ZFPM2: variants seen among roughly 807,000 people sequenced by gnomAD.
ZFPM2 encodes zinc finger protein ZFPM2.
Under a neutral mutation model 98.6 loss-of-function variants are expected in ZFPM2, and 20 were observed. The ratio of observed to expected loss-of-function variants is 0.20; its 90% CI spans 0.14 to 0.29. The LOEUF (loss-of-function observed/expected upper bound fraction) is 0.29, where lower values mean the gene tolerates loss of function less well. Ranked by LOEUF, ZFPM2 falls within the 10% of genes least tolerant of loss-of-function variation. The pLI is 1.00. For synonymous variants in ZFPM2, 518 were observed against 502.7 expected, an observed-to-expected ratio of 1.03 and a Z score of -0.41; for missense variants, 1,310 against 1,388.6, an observed-to-expected ratio of 0.94 and a Z score of 0.90.
chr8:105,718,142 CATCCTGGCAACT>C (rs772447406), intron 5 of ZFPM2, among the ~76,000 whole-genome samples: 26 of 152,080 alleles, frequency 1.7e-4, no homozygotes, highest in Middle Eastern at 3.4e-3. Context: ...TGGTCAGAGT[CATCCTGGCAACT>C]ACCTGGGACT....
At chr8:105,605,338 G>A (rs1227266662) in intron 4 of ZFPM2, among the ~76,000 whole-genome samples, 2 of 151,946 alleles carry the variant, frequency 1.3e-5, no homozygotes, top group Non-Finnish European at 2.9e-5. Context: ...TGAAAACAAA[G>A]TAATACACAT....
intron 1 of ZFPM2, among the ~76,000 whole-genome samples, chr8:105,349,794 G>A (rs962872748): frequency 4.6e-5 from 7 of 152,202 alleles, no homozygotes; most frequent in Admixed American, 4.6e-4. Flanking sequence ...ATATTTTTAT[G>A]TAATATACAT....
At chr8:105,402,992 T>C (rs981012129) in intron 1 of ZFPM2, among the ~76,000 whole-genome samples, 1 of 152,074 alleles carries the variant, frequency 6.6e-6, no homozygotes, top group African/African-American at 2.4e-5. Flanking sequence ...TTCATTTCTT[T>C]TGTTGTTCTT....
chr8:105,710,309 A>T (rs927100097), intron 5 of ZFPM2, among the ~76,000 whole-genome samples: 1 of 152,144 alleles, frequency 6.6e-6, no homozygotes, highest in East Asian at 1.9e-4. Flanking sequence ...GATATTGAAG[A>T]TAGTAGACCT....
rs574077789 is a variant in ZFPM2 at position 105,542,747 on chromosome 8, T to C, written c.302-18616T>C. On this transcript the variant is annotated intron_variant, in intron 3 of 7. Transcript: ENST00000407775. Reference sequence around the variant, plus strand: ...ATAATTATGAATTCACATGCAGTTGTAAGAAATAGTCCAAGGAGATTCCTT... The same window carrying C: ...ATAATTATGAATTCACATGCAGTTGCAAGAAATAGTCCAAGGAGATTCCTT... Among the ~76,000 whole-genome samples, 254 of 152,334 alleles carry C rather than the reference T, an allele frequency of 1.7e-3. 2 individuals carry two copies. Among genetic ancestry groups the C allele is most frequent in the South Asian group, 6.0e-3 (29 of 4,828 alleles).
intron 5 of ZFPM2, among the ~76,000 whole-genome samples, chr8:105,643,951 A>G (rs2098694299): frequency 1.3e-5 from 2 of 152,192 alleles, no homozygotes; most frequent in Non-Finnish European, 1.5e-5. Context: ...AGCCACAGCA[A>G]TTTGTTTATA....
intron 1 of ZFPM2, among the ~76,000 whole-genome samples, chr8:105,330,511 A>T (rs1812190477): frequency 6.9e-6 from 1 of 144,940 alleles, no homozygotes; most frequent in Non-Finnish European, 1.5e-5. Context: ...ATTTATATGG[A>T]ACAAAACAAT....
At chr8:105,375,223 G>T (rs574223484) in intron 1 of ZFPM2, among the ~76,000 whole-genome samples, 10 of 152,118 alleles carry the variant, frequency 6.6e-5, no homozygotes, top group Admixed American at 1.3e-4. Context: ...ATTTTAGGAT[G>T]TACCACACTT....
chr8:105,758,993 A>G (rs1261298138), intron 5 of ZFPM2, among the ~76,000 whole-genome samples: 1 of 152,106 alleles, frequency 6.6e-6, no homozygotes, highest in African/African-American at 2.4e-5. Context: ...GATAGGGGCT[A>G]GTTGGAGTTT....
chr8:105,572,436 T>C (rs1407243027), intron 4 of ZFPM2, among the ~76,000 whole-genome samples: 1 of 152,088 alleles, frequency 6.6e-6, no homozygotes, highest in Non-Finnish European at 1.5e-5. Flanking sequence ...GATTAACATA[T>C]TTTTGCCTGT....
intron 6 of ZFPM2, among the ~76,000 whole-genome samples, chr8:105,790,910 A>G (rs1321248159): frequency 6.6e-6 from 1 of 152,144 alleles, no homozygotes; most frequent in Non-Finnish European, 1.5e-5. Context: ...TTGGTGTATA[A>G]GAATGCTTGT....
intron 5 of ZFPM2, among the ~76,000 whole-genome samples, chr8:105,671,840 C>T (rs1288272833): frequency 6.6e-6 from 1 of 151,968 alleles, no homozygotes; most frequent in African/African-American, 2.4e-5. Flanking sequence ...TAATAGTTGG[C>T]AAAACTGAAG....
intron 5 of ZFPM2, among the ~76,000 whole-genome samples, chr8:105,752,675 G>A (rs1049186148): frequency 7.2e-5 from 11 of 152,092 alleles, no homozygotes; most frequent in Middle Eastern, 3.4e-3. Context: ...ATGAACTTAA[G>A]GAGTGATTTC....
chr8:105,416,047 CA>C (rs1563648557), intron 1 of ZFPM2, among the ~76,000 whole-genome samples: 1 of 151,408 alleles, frequency 6.6e-6, no homozygotes, highest in Non-Finnish European at 1.5e-5. Flanking sequence ...CTTGGAATTG[CA>C]AAGGAATAGC....
chr8:105,360,286 A>G (rs1812831418), intron 1 of ZFPM2, among the ~76,000 whole-genome samples: 1 of 152,146 alleles, frequency 6.6e-6, no homozygotes, highest in African/African-American at 2.4e-5. Flanking sequence ...GTATTCAGAC[A>G]TTTCTTGAGA....
chr8:105,439,046 T>C (rs1812184463), intron 2 of ZFPM2, among the ~76,000 whole-genome samples: 1 of 152,192 alleles, frequency 6.6e-6, no homozygotes, highest in Non-Finnish European at 1.5e-5. Flanking sequence ...ATATTTCTCA[T>C]TGTATTTTCA....
chr8:105,596,325 C>G (rs1815969199), intron 4 of ZFPM2, among the ~76,000 whole-genome samples: 1 of 151,894 alleles, frequency 6.6e-6, no homozygotes, highest in African/African-American at 2.4e-5. Context: ...CTTTCATTTT[C>G]TTTTTCTTTC....
At chr8:105,393,333 T>TC (rs370622164) in intron 1 of ZFPM2, among the ~76,000 whole-genome samples, 3,774 of 92,912 alleles carry the variant, frequency 0.041, 174 homozygotes, top group African/African-American at 0.15. Flanking sequence ...TCTCTCTCTC[T>TC]TTGCCTTTCT....
intron 2 of ZFPM2, among the ~76,000 whole-genome samples, chr8:105,423,011 C>G (rs1190016306): frequency 1.3e-5 from 2 of 151,940 alleles, no homozygotes; most frequent in Non-Finnish European, 2.9e-5. Context: ...TAACATTTTT[C>G]TCAGTTCCAC....
Sources: gnomAD v4.1 joint callset for allele counts (sites outside exome capture counted in the v4.1 genomes callset) on GRCh38, gnomAD v4.1.1 for gene constraint, MANE v1.5 for transcripts, NCBI Gene and HGNC (gene_info 2026-07-23, HGNC 2026-07-21) for gene names.